Variants in TNIP2 observed in about 807,000 individuals in gnomAD.
TNIP2 encodes the protein TNFAIP3 interacting protein 2.
A neutral mutation model predicts 43.7 loss-of-function variants in TNIP2; 30 were observed. The observed-to-expected ratio is 0.69, with a 90% confidence interval of 0.51 to 0.93. The LOEUF is 0.93. Ranked by LOEUF, TNIP2 falls within the 40% of genes least tolerant of loss-of-function variation. TNIP2 has a pLI of 0.00. For missense variants in TNIP2, 599 were observed against 591.0 expected (o/e 1.01, Z -0.14); for synonymous variants, 260 against 254.6 (o/e 1.02, Z -0.20).
At position 2,756,247 on chromosome 4, in the gene TNIP2, G is replaced by T; in HGVS notation, c.43C>A (p.Arg15Ser). Reference protein sequence around the residue: ...PGSGGWEEAPRAAAALCTLYH... With the variant: ...PGSGGWEEAPSAAAALCTLYH... ...AGGGTGCAGAGCGCGGCAGCTGCGC[G>T]CGGGGCCTCCTCCCAGCCGCCCGAC... The change falls in exon 1 of 6, where the codon CGC becomes AGC. Residue 15 changes from arginine (R) to serine (S), a missense_variant. Transcript: ENST00000315423. 1 of 1,447,914 alleles carries T rather than the reference G, an allele frequency of 6.9e-7. No homozygotes were observed. The highest frequency in any genetic ancestry group is 1.3e-5 in the South Asian group (1 of 74,848). 89.7% of individuals were successfully genotyped at this position (1,447,914 alleles called of 1,614,324 possible).
intron 1 of TNIP2, among the ~76,000 whole-genome samples, chr4:2,749,430 T>C (rs559425371): frequency 3.3e-5 from 5 of 152,198 alleles, no homozygotes; most frequent in Non-Finnish European, 7.3e-5. Flanking sequence ...TCTTTGCAGA[T>C]GTAATTAGTT....
chr4:2,749,651 A>C (rs892363895), intron 1 of TNIP2, among the ~76,000 whole-genome samples: 1 of 152,202 alleles, frequency 6.6e-6, no homozygotes, highest in Non-Finnish European at 1.5e-5. Flanking sequence ...ACCTTGAGAG[A>C]GAGCCGATGC....
At chr4:2,753,659 G>A (rs748449788) in intron 1 of TNIP2, among the ~76,000 whole-genome samples, 1 of 152,190 alleles carries the variant, frequency 6.6e-6, no homozygotes, top group Non-Finnish European at 1.5e-5. Flanking sequence ...TACTGCTCTG[G>A]TTGTGAGGTC....
chr4:2,755,348 A>C (rs1722203539), intron 1 of TNIP2, among the ~76,000 whole-genome samples: 3 of 151,260 alleles, frequency 2.0e-5, no homozygotes, highest in Admixed American at 2.0e-4. Context: ...CGAACCTCAA[A>C]ATACCCCTAA....
At chr4:2,745,662 T>C in intron 2 of TNIP2, 127 bp from the exon 3 acceptor site, 1 of 694,754 alleles carries the variant, frequency 1.4e-6, no homozygotes, top group Non-Finnish European at 2.5e-6. Flanking sequence ...TGATCATTCA[T>C]TTGGTAGAGA....
In TNIP2 at chr4:2,742,065, AC is replaced by A. The variant is rs1339748427; in HGVS notation, c.*191del. 4 of 462,118 alleles carry A rather than the reference AC, an allele frequency of 8.7e-6. No homozygotes were observed. Among genetic ancestry groups the A allele is most frequent in the Non-Finnish European group, 1.4e-5 (4 of 281,696 alleles). The allele number at this position is 462,118 out of a possible 1,614,324, so 28.6% of individuals were successfully genotyped here. On this transcript the variant is annotated 3_prime_UTR_variant, in exon 6 of 6. Coordinates refer to ENST00000315423, the MANE Select transcript of TNIP2 (RefSeq NM_024309.4). The stretch of plus-strand genomic sequence containing the variant: ...ATCTCCACCTCCAGCCTCCAGCCTC[AC>A]TGGCAGTTCCCTGTGACCCAGCCTG...
intron 1 of TNIP2, among the ~76,000 whole-genome samples, chr4:2,750,669 C>G (rs1722078674): frequency 6.8e-6 from 1 of 147,246 alleles, no homozygotes; most frequent in African/African-American, 2.5e-5. Flanking sequence ...TGAGCAAAAC[C>G]TGACTTCTGG....
Position 2,747,775 on chromosome 4 carries a change from G to A in TNIP2, c.447C>T (p.Asn149=), listed in dbSNP as rs200463961. 1.2e-5 allele frequency: 19 copies of A among 1,611,656 alleles called. No homozygotes were observed. The highest frequency in any genetic ancestry group is 1.5e-5 in the Non-Finnish European group (18 of 1,180,026). The change falls in exon 2 of 6, where the codon AAC becomes AAT. Residue 149 remains asparagine, a synonymous_variant. Coordinates refer to ENST00000315423, the MANE Select transcript of TNIP2 (RefSeq NM_024309.4). ...ASDVLCRSLA[N]ETHQLRRTLT... ...GCGTCCTCCGCAGCTGATGGGTCTC[G>A]TTGGCCAAGGAGCGGCACAGGACGT... is the stretch of plus-strand genomic sequence containing the variant.
In TNIP2 at chr4:2,755,929, G is replaced by T. The variant is rs182854675; in HGVS notation, c.276+85C>A. On this transcript the variant is annotated intron_variant, in intron 1 of 5. Coordinates refer to ENST00000315423, the MANE Select transcript of TNIP2 (RefSeq NM_024309.4). ...TACCCCCTCAACCCCTCAGGACCCGGGGCCCGCTCGCTCACCCACCCAGGA... is the reference window on the plus strand; with the variant it reads ...TACCCCCTCAACCCCTCAGGACCCGTGGCCCGCTCGCTCACCCACCCAGGA... The T allele has an allele frequency of 2.1e-6, 3 of 1,408,564 alleles. No individual in the cohort carries two copies. In the Admixed American group the frequency reaches 9.0e-5, roughly 42 times the overall value. 87.3% of individuals were successfully genotyped at this position (1,408,564 alleles called of 1,614,324 possible).
intron 5 of TNIP2, among the ~76,000 whole-genome samples, chr4:2,743,612 T>A (rs545910553): frequency 1.3e-5 from 2 of 152,006 alleles, no homozygotes; most frequent in African/African-American, 4.8e-5. Context: ...AGCCCCAGGG[T>A]CCCTGTTCAC....
chr4:2,742,482 C>G lies in TNIP2; in HGVS notation c.1065G>C (p.Gly355=), dbSNP rs1721820469. The change falls in exon 6 of 6, where the codon GGG becomes GGC. Residue 355 remains glycine, a synonymous_variant. Coordinates refer to ENST00000315423, the MANE Select transcript of TNIP2 (RefSeq NM_024309.4). ...REPDAGRIHA[G]SKTAKYLAAD... ...CGGCCAAATACTTGGCAGTTTTGCT[C>G]CCAGCGTGAATCCGGCCGGCGTCTG... 1 of 1,603,802 alleles carries G rather than the reference C, an allele frequency of 6.2e-7. No individual in the cohort carries two copies. The highest frequency in any genetic ancestry group is 1.7e-5 in the Admixed American group (1 of 59,136).
chr4:2,748,515 TG>T (rs1722014459), intron 1 of TNIP2, among the ~76,000 whole-genome samples: 3 of 152,078 alleles, frequency 2.0e-5, no homozygotes, highest in Admixed American at 6.5e-5. Context: ...GCTAATTTTT[TG>T]TATTTTTAGT....
intron 1 of TNIP2, among the ~76,000 whole-genome samples, chr4:2,750,066 G>A (rs149602733): frequency 0.02 from 3,100 of 152,250 alleles, 112 homozygotes; most frequent in African/African-American, 0.07. Flanking sequence ...GCCTCCCAAA[G>A]TGCTGGGATT....
chr4:2,751,038 G>A (rs906027483), intron 1 of TNIP2, among the ~76,000 whole-genome samples: 2 of 152,206 alleles, frequency 1.3e-5, no homozygotes, highest in Non-Finnish European at 2.9e-5. Flanking sequence ...ACCCGTGGGG[G>A]CAGGCCAGCC....
chr4:2,742,725 T>C (rs375222870), intron 5 of TNIP2, among the ~76,000 whole-genome samples: 3 of 152,274 alleles, frequency 2.0e-5, no homozygotes, highest in East Asian at 1.9e-4. Context: ...CATGTGCTCA[T>C]GAAGAAGTAG....
intron 1 of TNIP2, among the ~76,000 whole-genome samples, chr4:2,752,948 C>T (rs1004152230): frequency 1.2e-4 from 18 of 151,846 alleles, no homozygotes; most frequent in Non-Finnish European, 2.6e-4. Flanking sequence ...GCCTATAGTC[C>T]TAGACACTCG....
Position 2,742,295 on chromosome 4 carries a change from C to T in TNIP2, c.1252G>A (p.Glu418Lys), listed in dbSNP as rs999984417. ...TCAGCCACATGCCTGAGGAGCTCTT[C>T]CCCTTGCTCGTCACTGAAGCACTGC... The part of the protein sequence containing the change: ...CLQCFSDEQG[E>K]ELLRHVAECC... Residue 418 changes from glutamate to lysine, a missense_variant, in exon 6 of 6, where the codon GAA becomes AAA. By Grantham distance (56) the Glu-to-Lys change is moderately conservative. Transcript: ENST00000315423. 8 of 1,516,774 alleles carry T rather than the reference C, an allele frequency of 5.3e-6. No homozygotes were observed. The highest frequency in any genetic ancestry group is 7.1e-6 in the Non-Finnish European group (8 of 1,128,016). 94.0% of individuals were successfully genotyped at this position (1,516,774 alleles called of 1,614,324 possible). A position where few individuals can be genotyped will look rare whatever the true frequency, so the allele number is the denominator to read the frequency against.
rs867463505 is a variant in TNIP2 at position 2,755,833 on chromosome 4, C to T, written c.276+181G>A. On this transcript the variant is annotated intron_variant, in intron 1 of 5. Coordinates refer to ENST00000315423, the MANE Select transcript of TNIP2 (RefSeq NM_024309.4). ...CCCCTCACCCCCAGGACCCGGCACC[C>T]CCTCAACTCCCAGGACCTGGTGCTC... 16 of 866,360 alleles carry T rather than the reference C, an allele frequency of 1.8e-5. 1 individual carries two copies. The highest frequency in any genetic ancestry group is 1.1e-4 in the African/African-American group (6 of 55,078). 53.7% of individuals were successfully genotyped at this position (866,360 alleles called of 1,614,324 possible).
intron 1 of TNIP2, among the ~76,000 whole-genome samples, chr4:2,755,311 A>AC (rs1229429049): frequency 6.7e-6 from 1 of 149,508 alleles, no homozygotes; most frequent in Non-Finnish European, 1.5e-5. Context: ...GCATACACAC[A>AC]CCCCCCTCGG....
Sources: allele counts gnomAD v4.1 joint callset (sites outside exome capture counted in the v4.1 genomes callset), GRCh38; gene constraint gnomAD v4.1.1; transcripts MANE v1.5; gene names NCBI Gene and HGNC (gene_info 2026-07-23, HGNC 2026-07-21).